The following CACNA1B variants were observed in gnomAD, a reference collection of about 807,000 sequenced individuals.
CACNA1B encodes the protein calcium voltage-gated channel subunit alpha1 B.
CACNA1B carries 70 observed loss-of-function variants against 247.2 expected under a neutral mutation model. The ratio of observed to expected loss-of-function variants is 0.28; its 90% CI spans 0.23 to 0.35. CACNA1B has a LOEUF of 0.35. CACNA1B is among the 10% of genes least tolerant of loss of function. The pLI, the probability that CACNA1B is intolerant of heterozygous loss-of-function variation, is 1.00. For synonymous variants in CACNA1B, 1,231 were observed against 1,294.4 expected (o/e 0.95, Z 1.05); for missense variants, 2,367 against 3,197.4 (o/e 0.74, Z 6.26).
At chr9:138,103,518 G>A (rs1470460465) in intron 38 of CACNA1B, among the ~76,000 whole-genome samples, 3 of 152,094 alleles carry the variant, frequency 2.0e-5, no homozygotes, top group East Asian at 1.9e-4. Flanking sequence ...GGGGTAAATC[G>A]AGGGATGCCT....
intron 11 of CACNA1B, among the ~76,000 whole-genome samples, chr9:137,972,826 C>T (rs1589042037): frequency 6.6e-6 from 1 of 152,302 alleles, no homozygotes; most frequent in Non-Finnish European, 1.5e-5. Context: ...AAGAGAGCTC[C>T]GGCTCAGGCT....
chr9:138,092,650 TTAAAG>T (rs1214842982), intron 36 of CACNA1B, among the ~76,000 whole-genome samples: 6 of 152,276 alleles, frequency 3.9e-5, no homozygotes, highest in African/African-American at 1.4e-4. Context: ...GATTAAGAGA[TTAAAG>T]TAAAGACAGG....
At chr9:138,118,839 G>A in intron 44 of CACNA1B, 71 bp downstream of exon 44, 1 of 708,154 alleles carries the variant, frequency 1.4e-6, no homozygotes, top group Non-Finnish European at 2.4e-6. Flanking sequence ...CTGTGGCTCT[G>A]GGCCTCCTGC....
At chr9:137,967,811 C>A in intron 10 of CACNA1B, among the ~76,000 whole-genome samples, 1 of 152,292 alleles carries the variant, frequency 6.6e-6, no homozygotes, top group Non-Finnish European at 1.5e-5. Flanking sequence ...CCCTCTGGCG[C>A]GGAGTGCTTC....
intron 6 of CACNA1B, among the ~76,000 whole-genome samples, chr9:137,935,897 C>T (rs1008513969): frequency 3.3e-5 from 5 of 152,166 alleles, no homozygotes; most frequent in African/African-American, 1.2e-4. Context: ...CTCACTGTCG[C>T]CCAGGCTGGA....
chr9:137,969,361 G>T (rs1386287626), intron 10 of CACNA1B, among the ~76,000 whole-genome samples: 3 of 152,224 alleles, frequency 2.0e-5, no homozygotes, highest in Non-Finnish European at 2.9e-5. Context: ...TTGTGCCTGT[G>T]ACAGGCGAGG....
At position 138,058,317 on chromosome 9, in the gene CACNA1B, C is replaced by A; in HGVS notation, c.4308+67C>A. On this transcript the variant is annotated intron_variant, in intron 28 of 46. Coordinates refer to ENST00000371372, the MANE Select transcript of CACNA1B (RefSeq NM_000718.4). This position sits in a 1 kb window ranked among gnomAD's most constrained non-coding sequence, Gnocchi z 4.7. ...GCAGCGCCATCAGGCTTCCCTCCTG[C>A]ACACAAATCACTCACAGCTGGGTCA... is the stretch of plus-strand genomic sequence containing the variant. The A allele has an allele frequency of 2.3e-6, 3 of 1,317,312 alleles. No individual in the cohort carries two copies. Among genetic ancestry groups the A allele is most frequent in the South Asian group, 1.2e-5 (1 of 83,572 alleles). 81.6% of individuals were successfully genotyped at this position (1,317,312 alleles called of 1,614,324 possible). A position where few individuals can be genotyped will look rare whatever the true frequency, so the allele number is the denominator to read the frequency against.
Position 138,046,989 on chromosome 9 carries a change from C to T in CACNA1B, c.3499C>T (p.Leu1167=). 6.2e-7 allele frequency: 1 copy of T among 1,613,392 alleles called. No homozygotes were observed. Among genetic ancestry groups the T allele is most frequent in the South Asian group, 1.1e-5 (1 of 91,002 alleles). The change falls in exon 22 of 47, where the codon CTG becomes TTG. Residue 1167 remains leucine, a synonymous_variant. Coordinates refer to ENST00000371372, the MANE Select transcript of CACNA1B (RefSeq NM_000718.4). ...GGTCATCGCCTTGAGCAGCATCGCC[C>T]TGGCTGCTGAGGACCCAGTGCGCAC... ...LVVIALSSIA[L]AAEDPVRTDS...
At chr9:138,120,100 C>G in intron 44 of CACNA1B, 65 bp from the exon 45 acceptor site, 1 of 1,376,872 alleles carries the variant, frequency 7.3e-7, no homozygotes, top group Non-Finnish European at 1.0e-6. Flanking sequence ...CCACCCACTT[C>G]CATGCCTGCA....
At chr9:137,879,791 G>A (rs1219427970) in intron 2 of CACNA1B, among the ~76,000 whole-genome samples, 2 of 152,250 alleles carry the variant, frequency 1.3e-5, no homozygotes, top group Non-Finnish European at 2.9e-5. Context: ...CTCAACAGGA[G>A]GCAAGGTGGA....
At chr9:137,979,453 A>G (rs943701702) in intron 12 of CACNA1B, among the ~76,000 whole-genome samples, 2 of 152,178 alleles carry the variant, frequency 1.3e-5, no homozygotes, top group Non-Finnish European at 2.9e-5. Context: ...CCCTGTCTTG[A>G]AAGAAAGATC....
Position 137,890,214 on chromosome 9 carries a change from A to C in CACNA1B, c.530+7331A>C, listed in dbSNP as rs1957078070. On this transcript the variant is annotated intron_variant, in intron 3 of 46. Transcript: ENST00000371372. ...GCGTTGCAGACGTCTGGGGCCTCTC[A>C]TATGCCCGCCTGGCATAGCCGACCC... 2 of 149,952 alleles carry C rather than the reference A, an allele frequency of 1.3e-5. 1 individual carries two copies. The highest frequency in any genetic ancestry group is 3.0e-5 in the Non-Finnish European group (2 of 66,752). The allele number at this position is 149,952 out of a possible 1,614,324, so 9.3% of individuals were successfully genotyped here.
intron 39 of CACNA1B, among the ~76,000 whole-genome samples, chr9:138,107,134 A>C (rs1961454313): frequency 6.6e-6 from 1 of 151,854 alleles, no homozygotes; most frequent in Admixed American, 6.6e-5. Flanking sequence ...TAATCTCCTG[A>C]CTTCTCTCCT....
intron 20 of CACNA1B, among the ~76,000 whole-genome samples, chr9:138,041,982 G>A (rs1049404533): frequency 3.3e-5 from 5 of 152,154 alleles, no homozygotes; most frequent in East Asian, 1.9e-4. Flanking sequence ...GGATGGTCTC[G>A]TTGCTTGAGA....
chr9:137,920,658 G>A lies in CACNA1B; in HGVS notation c.966+3227G>A, dbSNP rs191637428. Among the ~76,000 whole-genome samples the A allele has an allele frequency of 2.3e-3, 351 of 152,344 alleles. 3 individuals carry two copies. Among genetic ancestry groups the A allele is most frequent in the Non-Finnish European group, 2.9e-4 (20 of 68,036 alleles). ...CAATGACCATGTTTGGAGGCGCAGT[G>A]GAGGTAAATCATGTTGCTTTATGAT... is the stretch of plus-strand genomic sequence containing the variant. On this transcript the variant is annotated intron_variant, in intron 6 of 46. Coordinates refer to ENST00000371372, the MANE Select transcript of CACNA1B (RefSeq NM_000718.4).
In CACNA1B at chr9:138,090,332, A is replaced by C. The variant is rs573146466; in HGVS notation, c.5095-6152A>C. 2.1e-3 allele frequency among the ~76,000 whole-genome samples: 321 copies of C among 152,256 alleles called. 11 individuals carry two copies. The South Asian group carries it at 0.06, about 29-fold the overall frequency. ...GACAGTCTCTTCAATAAACGATGGT[A>C]GGGAAACTAGATATCCACATGCAGA... On this transcript the variant is annotated intron_variant, in intron 36 of 46. Coordinates refer to ENST00000371372, the MANE Select transcript of CACNA1B (RefSeq NM_000718.4).
chr9:138,032,677 T>C (rs1451261230), intron 20 of CACNA1B: 1 of 454,542 alleles, frequency 2.2e-6, no homozygotes, highest in South Asian at 1.6e-5. Context: ...TTCTTTTTTT[T>C]TCAGCACTTG....
Position 138,023,435 on chromosome 9 carries a change from G to A in CACNA1B, c.2692G>A (p.Gly898Arg), listed in dbSNP as rs1238690052. Residue 898 changes from glycine to arginine, a missense_variant, in exon 19 of 47, where the codon GGG (glycine) becomes AGG (arginine). Transcript: ENST00000371372. ...PHRSHSKEAA[G>R]PPEARSERGR... is the part of the protein sequence containing the mutation. ...CCGCAGCCACAGCAAGGAGGCCGCGGGGCCCCCGGAGGCGCGGAGCGAGCG... is the reference window on the plus strand; with the variant it reads ...CCGCAGCCACAGCAAGGAGGCCGCGAGGCCCCCGGAGGCGCGGAGCGAGCG... The A allele has an allele frequency of 3.9e-5, 50 of 1,267,928 alleles. No homozygotes were observed. The highest frequency in any genetic ancestry group is 4.7e-5 in the Non-Finnish European group (48 of 1,011,142). 78.5% of individuals were successfully genotyped at this position (1,267,928 alleles called of 1,614,324 possible).
chr9:137,919,793 G>A lies in CACNA1B; in HGVS notation c.966+2362G>A, dbSNP rs1189734175. Among the ~76,000 whole-genome samples, 5 of 152,234 alleles carry A rather than the reference G, an allele frequency of 3.3e-5. No individual in the cohort carries two copies. The highest frequency in any genetic ancestry group is 1.2e-4 in the African/African-American group (5 of 41,460). On this transcript the variant is annotated intron_variant, in intron 6 of 46. Transcript: ENST00000371372. This position sits in a 1 kb window ranked among gnomAD's most constrained non-coding sequence, Gnocchi z 4.6. ...ACAGCGGGCAGCCAGGACCGGGTGA[G>A]TGATGGGGTCTCAGAGTGGATTGCT...
Sources: allele counts gnomAD v4.1 joint callset (sites outside exome capture counted in the v4.1 genomes callset), GRCh38; gene constraint gnomAD v4.1.1; non-coding constraint Gnocchi (gnomAD v3.1); transcripts MANE v1.5; gene names NCBI Gene and HGNC (gene_info 2026-07-23, HGNC 2026-07-21).